Variants in PHAF1 observed in about 807,000 individuals in gnomAD.
The protein encoded by PHAF1 is phagosome assembly factor 1.
PHAF1 carries 23 observed loss-of-function variants against 63.1 expected under a neutral mutation model. The ratio of observed to expected loss-of-function variants is 0.36; its 90% CI spans 0.26 to 0.52. The LOEUF is 0.52. Among genes scored for constraint, PHAF1 ranks in the 20% least tolerant of loss-of-function variants. The pLI is 0.93. For missense variants in PHAF1, 427 were observed against 517.2 expected, an observed-to-expected ratio of 0.83 and a Z score of 1.69; for synonymous variants, 167 against 185.0, an observed-to-expected ratio of 0.90 and a Z score of 0.79.
At position 67,146,356 on chromosome 16, in the gene PHAF1, C is replaced by G; in HGVS notation, c.1182+6C>G. The G allele has an allele frequency of 6.2e-7, 1 of 1,613,030 alleles. No individual in the cohort carries two copies. The highest frequency in any genetic ancestry group is 1.1e-5 in the South Asian group (1 of 91,042). Reference sequence around the variant, plus strand: ...TTCAGCGAATGATCTTTGAGGTAAGCTGTGGAAGCCCTAGAAATAAACTGC... The same window carrying G: ...TTCAGCGAATGATCTTTGAGGTAAGGTGTGGAAGCCCTAGAAATAAACTGC... On this transcript the variant is annotated splice_donor_region_variant and intron_variant, in intron 15 of 15. Coordinates refer to ENST00000219139, the MANE Select transcript of PHAF1 (RefSeq NM_025187.5).
intron 1 of PHAF1, among the ~76,000 whole-genome samples, chr16:67,119,743 G>A (rs1275176266): frequency 6.7e-6 from 1 of 149,138 alleles, no homozygotes; most frequent in Non-Finnish European, 1.5e-5. Flanking sequence ...AGCTAGGCTG[G>A]TTTCAAATGC....
At chr16:67,129,939 C>T (rs1215845962) in intron 3 of PHAF1, among the ~76,000 whole-genome samples, 1 of 152,238 alleles carries the variant, frequency 6.6e-6, no homozygotes, top group African/African-American at 2.4e-5. Flanking sequence ...TAACTGAATA[C>T]TGTCACACTT....
intron 1 of PHAF1, among the ~76,000 whole-genome samples, chr16:67,114,335 AAAAT>A (rs1255288303): frequency 2.0e-5 from 3 of 151,968 alleles, no homozygotes; most frequent in East Asian, 3.8e-4. Context: ...ATTTAAATAA[AAAAT>A]AAATAAATAA....
In PHAF1 at chr16:67,134,279, G is replaced by C; in HGVS notation, c.548+14G>C. The C allele has an allele frequency of 6.2e-7, 1 of 1,610,752 alleles. No individual in the cohort carries two copies. Among genetic ancestry groups the C allele is most frequent in the Non-Finnish European group, 8.5e-7 (1 of 1,176,962 alleles). ...GCAGGATACCAAGTAAGTATAAGGAGCATGAGTTTCTTGCTAAGGCCTGGG... is the reference window on the plus strand; with the variant it reads ...GCAGGATACCAAGTAAGTATAAGGACCATGAGTTTCTTGCTAAGGCCTGGG... On this transcript the variant is annotated intron_variant, in intron 7 of 15. Coordinates refer to ENST00000219139, the MANE Select transcript of PHAF1 (RefSeq NM_025187.5).
intron 15 of PHAF1, 50 bp downstream of exon 15, chr16:67,146,400 T>C (rs564616205): frequency 1.0e-4 from 157 of 1,555,570 alleles, no homozygotes; most frequent in South Asian, 1.6e-4. Context: ...TTGCTGGTCA[T>C]GGCAGGGCCA....
chr16:67,142,872 C>G (rs1264018705), intron 10 of PHAF1, among the ~76,000 whole-genome samples: 1 of 152,250 alleles, frequency 6.6e-6, no homozygotes, highest in Non-Finnish European at 1.5e-5. Flanking sequence ...CACACTTCCT[C>G]TGCTCCAGTC....
intron 1 of PHAF1, 92 bp from the exon 2 acceptor site, chr16:67,120,020 G>A: frequency 9.6e-7 from 1 of 1,045,402 alleles, no homozygotes; most frequent in Non-Finnish European, 1.4e-6. Flanking sequence ...AACATCCCCA[G>A]GCTTTACTGC....
intron 1 of PHAF1, among the ~76,000 whole-genome samples, chr16:67,115,981 C>T (rs1330792477): frequency 6.6e-6 from 1 of 152,126 alleles, no homozygotes; most frequent in Non-Finnish European, 1.5e-5. Context: ...AGCAAGACCC[C>T]GTCTCTTTGA....
In PHAF1 at chr16:67,132,472, T is replaced by C; in HGVS notation, c.302T>C (p.Ile101Thr). 6.2e-7 allele frequency: 1 copy of C among 1,613,000 alleles called. No individual in the cohort carries two copies. Among genetic ancestry groups the C allele is most frequent in the Non-Finnish European group, 8.5e-7 (1 of 1,179,274 alleles). The part of the protein sequence containing the change: ...YCGVHFNSQA[I>T]APTIEQIDQS... ...GGCGTGCATTTTAATTCTCAGGCCA[T>C]AGCTCCTACCATTGAACAGATTGAC... is the stretch of plus-strand genomic sequence containing the variant. Residue 101 changes from isoleucine to threonine, a missense_variant, in exon 5 of 16, where the codon ATA becomes ACA. Ile to Thr is a moderately conservative substitution (Grantham distance 89). Coordinates refer to ENST00000219139, the MANE Select transcript of PHAF1 (RefSeq NM_025187.5).
intron 1 of PHAF1, among the ~76,000 whole-genome samples, chr16:67,118,984 C>T (rs1962867909): frequency 6.6e-6 from 1 of 151,964 alleles, no homozygotes; most frequent in South Asian, 2.1e-4. Context: ...ACTATATTCC[C>T]AGGCTGGTCT....
chr16:67,137,918 G>A (rs1484556550), intron 8 of PHAF1, among the ~76,000 whole-genome samples: 1 of 152,164 alleles, frequency 6.6e-6, no homozygotes, highest in Non-Finnish European at 1.5e-5. Flanking sequence ...GTTTCCTGTG[G>A]CAAGCACAAG....
intron 1 of PHAF1, among the ~76,000 whole-genome samples, chr16:67,115,487 T>C (rs901311149): frequency 1.3e-5 from 2 of 152,090 alleles, no homozygotes; most frequent in African/African-American, 2.4e-5. Context: ...AAAGAAGATA[T>C]AGATGGGTAA....
rs778752257 is a variant in PHAF1, at chr16:67,134,162, T to C, written c.451-6T>C. The C allele has an allele frequency of 3.1e-6, 5 of 1,612,480 alleles. No individual in the cohort carries two copies. The African/African-American group carries it at 6.7e-5, about 22-fold the overall frequency. Reference sequence around the variant, plus strand: ...CCTAAGTAAAACTCTTGACCTTTGTTTGCAGCCCAATTTTGCCCATGGCCT... The same window carrying C: ...CCTAAGTAAAACTCTTGACCTTTGTCTGCAGCCCAATTTTGCCCATGGCCT... On this transcript the variant is annotated splice_region_variant and splice_polypyrimidine_tract_variant and intron_variant, in intron 6 of 15. Transcript: ENST00000219139.
chr16:67,123,542 G>A (rs765021970), intron 2 of PHAF1, among the ~76,000 whole-genome samples: 1 of 151,924 alleles, frequency 6.6e-6, no homozygotes, highest in African/African-American at 2.4e-5. Context: ...GTGCCACTGC[G>A]CTCCTAGGCA....
At chr16:67,146,835 G>A (rs533717690) in intron 15 of PHAF1, among the ~76,000 whole-genome samples, 9 of 152,254 alleles carry the variant, frequency 5.9e-5, no homozygotes, top group South Asian at 2.1e-4. Flanking sequence ...GACTGGACAC[G>A]TGGCCATGGT....
intron 6 of PHAF1, among the ~76,000 whole-genome samples, chr16:67,133,333 A>G (rs1963476854): frequency 6.6e-6 from 1 of 152,046 alleles, no homozygotes; most frequent in Non-Finnish European, 1.5e-5. Flanking sequence ...TTAATTAAGG[A>G]AGCATTTCTG....
rs908649499 is a variant in PHAF1, at chr16:67,148,335, T to C, written c.*1204T>C. On this transcript the variant is annotated 3_prime_UTR_variant, in exon 16 of 16. Transcript: ENST00000219139. ...AGGTTTGTGTGGCGCTCCCGACTTTTGTGACTGACTGGTGTCTTCCCATTT... is the reference window on the plus strand; with the variant it reads ...AGGTTTGTGTGGCGCTCCCGACTTTCGTGACTGACTGGTGTCTTCCCATTT... 1 of 152,698 alleles carries C rather than the reference T, an allele frequency of 6.5e-6. No individual in the cohort carries two copies. The highest frequency in any genetic ancestry group is 2.4e-5 in the African/African-American group (1 of 41,456). 9.5% of individuals were successfully genotyped at this position (152,698 alleles called of 1,614,324 possible). A position where few individuals can be genotyped will look rare whatever the true frequency, so the allele number is the denominator to read the frequency against.
At chr16:67,132,090 G>A (rs529608840) in intron 4 of PHAF1, 13 of 175,078 alleles carry the variant, frequency 7.4e-5, no homozygotes, top group Non-Finnish European at 1.6e-4. Context: ...TGATAGAGGA[G>A]TAGACAAGCA....
chr16:67,123,638 C>CT (rs1963072682), intron 2 of PHAF1, among the ~76,000 whole-genome samples: 2 of 152,138 alleles, frequency 1.3e-5, no homozygotes, highest in Admixed American at 6.6e-5. Flanking sequence ...AAACTCCTGG[C>CT]TTTAAGCATT....
Sources: allele counts gnomAD v4.1 joint callset (sites outside exome capture counted in the v4.1 genomes callset), GRCh38; gene constraint gnomAD v4.1.1; transcripts MANE v1.5; gene names NCBI Gene and HGNC (gene_info 2026-07-23, HGNC 2026-07-21).